The following TRAF7 variants were observed in gnomAD, a reference collection of about 807,000 sequenced individuals.
TRAF7 encodes E3 ubiquitin-protein ligase TRAF7.
TRAF7 carries 45 observed loss-of-function variants against 89.3 expected under a neutral mutation model. The observed-to-expected ratio is 0.50, with a 90% CI of 0.40 to 0.65. The LOEUF (loss-of-function observed/expected upper bound fraction) is 0.65. Ranked by LOEUF, TRAF7 falls within the 30% of genes least tolerant of loss-of-function variation. The pLI is 0.00. For synonymous variants in TRAF7, 406 were observed against 369.2 expected, an observed-to-expected ratio of 1.10 and a Z score of -1.14; for missense variants, 677 against 918.1, an observed-to-expected ratio of 0.74 and a Z score of 3.39.
At chr16:2,165,592 G>T (rs174029) in intron 2 of TRAF7, among the ~76,000 whole-genome samples, 2 of 130,890 alleles carry the variant, frequency 1.5e-5, no homozygotes, top group Non-Finnish European at 3.2e-5. Flanking sequence ...TGGTCGCATG[G>T]TTAAGCGTGT....
chr16:2,173,859 T>TACC, intron 12 of TRAF7, 23 bp downstream of exon 12: 1 of 1,246,256 alleles, frequency 8.0e-7, no homozygotes, highest in Non-Finnish European at 1.1e-6. Flanking sequence ...CCGCCGTGGC[T>TACC]CCCGCCCACC....
At chr16:2,174,354 G>C in intron 14 of TRAF7, 21 bp downstream of exon 14, 1 of 1,605,054 alleles carries the variant, frequency 6.2e-7, no homozygotes, top group South Asian at 1.1e-5. Context: ...GCACATGTGT[G>C]ATCAGTGATT....
Position 2,158,321 on chromosome 16 carries a change from C to T in TRAF7, c.-39+2463C>T, listed in dbSNP as rs2093044257. Among the ~76,000 whole-genome samples, 1 of 152,206 alleles carries T rather than the reference C, an allele frequency of 6.6e-6. No homozygotes were observed. The highest frequency in any genetic ancestry group is 1.5e-5 in the Non-Finnish European group (1 of 68,032). ...CCGCTGCTGTCCCCAGCCTTGCTCCCTGGAGGAGGAGGGTGCAGCCAGGTG... is the reference window on the plus strand; with the variant it reads ...CCGCTGCTGTCCCCAGCCTTGCTCCTTGGAGGAGGAGGGTGCAGCCAGGTG... On this transcript the variant is annotated intron_variant, in intron 1 of 20. Coordinates refer to ENST00000326181, the MANE Select transcript of TRAF7 (RefSeq NM_032271.3). This position sits in a 1 kb window ranked among gnomAD's most constrained non-coding sequence, Gnocchi z 4.7.
Position 2,164,127 on chromosome 16 carries a change from G to C in TRAF7, c.81+126G>C, listed in dbSNP as rs376741241. ...AGCTGGGGTCTCAGGGGAGCTCGGT[G>C]GGGGGGGGTGTGGTGTGTGTGTGTG... On this transcript the variant is annotated intron_variant, in intron 2 of 20. Coordinates refer to ENST00000326181, the MANE Select transcript of TRAF7 (RefSeq NM_032271.3). The C allele has an allele frequency of 6.7e-4, 414 of 613,682 alleles. 3 individuals carry two copies. In the East Asian group the frequency reaches 0.012, roughly 18 times the overall value. 38.0% of individuals were successfully genotyped at this position (613,682 alleles called of 1,614,324 possible).
In TRAF7 at chr16:2,163,530, A is replaced by C; in HGVS notation, c.-38-353A>C. 1 of 252,880 alleles carries C rather than the reference A, an allele frequency of 4.0e-6. No homozygotes were observed. Among genetic ancestry groups the C allele is most frequent in the South Asian group, 4.1e-5 (1 of 24,492 alleles). The allele number at this position is 252,880 out of a possible 1,614,324, so 15.7% of individuals were successfully genotyped here. On this transcript the variant is annotated intron_variant, in intron 1 of 20. Transcript: ENST00000326181. This position sits in a 1 kb window ranked among gnomAD's most constrained non-coding sequence, Gnocchi z 4.3. Reference sequence around the variant, plus strand: ...AAGGCCCAGCCTTGGCCCCAGGGACATTCAGCCTGGAGGTGACTGGCTGTG... The same window carrying C: ...AAGGCCCAGCCTTGGCCCCAGGGACCTTCAGCCTGGAGGTGACTGGCTGTG...
chr16:2,170,296 C>T (rs1173208962), intron 4 of TRAF7, among the ~76,000 whole-genome samples: 1 of 152,246 alleles, frequency 6.6e-6, no homozygotes, highest in Admixed American at 6.5e-5. Context: ...CCACATTCCC[C>T]CACGGGAAGC....
In TRAF7 at chr16:2,172,628, G is replaced by A. The variant is rs746863333; in HGVS notation, c.794+29G>A. The A allele has an allele frequency of 1.4e-5, 19 of 1,340,648 alleles. No homozygotes were observed. In the South Asian group the frequency reaches 1.8e-4, roughly 12 times the overall value. The allele number at this position is 1,340,648 out of a possible 1,614,324, so 83.0% of individuals were successfully genotyped here. A position where few individuals can be genotyped will look rare whatever the true frequency, so the allele number is the denominator to read the frequency against. The stretch of plus-strand genomic sequence containing the variant: ...AGTGGGGGGCGGGCGGGGGTGGGCC[G>A]GGGTGGGCGCAGGCCCTCCACAGGC... On this transcript the variant is annotated intron_variant, in intron 9 of 20. Transcript: ENST00000326181.
In TRAF7 at chr16:2,175,384, C is replaced by T. The variant is rs756602651; in HGVS notation, c.1470C>T (p.Asn490=). 1.2e-5 allele frequency: 19 copies of T among 1,613,536 alleles called. No homozygotes were observed. The Admixed American group carries it at 1.7e-4, about 14-fold the overall frequency. The change falls in exon 16 of 21, where the codon AAC becomes AAT. Residue 490 remains asparagine (N), a synonymous_variant. Transcript: ENST00000326181. ...TGTGCACGCTGGTCTCCTCACACAA[C>T]GTGCTCTTCAGCGGCTCCCTGAAGG... The part of the protein sequence containing the change: ...NPVCTLVSSH[N]VLFSGSLKAI...
Position 2,163,834 on chromosome 16 carries a change from G to A in TRAF7, c.-38-49G>A. Reference sequence around the variant, plus strand: ...CTTGCAGCAGCCCGTCTGACTCACAGGGGCCTGGGCTCCATCTCTCAAGCC... The same window carrying A: ...CTTGCAGCAGCCCGTCTGACTCACAAGGGCCTGGGCTCCATCTCTCAAGCC... On this transcript the variant is annotated intron_variant, in intron 1 of 20. Transcript: ENST00000326181. The surrounding 1 kb of genome is among the most constrained non-coding windows in gnomAD (Gnocchi z 4.3). 8.0e-7 allele frequency: 1 copy of A among 1,250,154 alleles called. No individual in the cohort carries two copies. The highest frequency in any genetic ancestry group is 1.1e-6 in the Non-Finnish European group (1 of 870,544). 77.4% of individuals were successfully genotyped at this position (1,250,154 alleles called of 1,614,324 possible).
Position 2,173,239 on chromosome 16 carries a change from C to T in TRAF7, c.852C>T (p.Phe284=), listed in dbSNP as rs570085095. The T allele has an allele frequency of 3.3e-5, 53 of 1,612,842 alleles. No individual in the cohort carries two copies. In the South Asian group the frequency reaches 4.0e-4, roughly 12 times the overall value. ...AGACCCACCTGGAGACTTGCCGCTTCGAGGGCCTGAAGGAGTTTCTGCAGC... is the reference window on the plus strand; with the variant it reads ...AGACCCACCTGGAGACTTGCCGCTTTGAGGGCCTGAAGGAGTTTCTGCAGC... The part of the protein sequence containing the change: ...TYETHLETCR[F]EGLKEFLQQT... Residue 284 remains phenylalanine (F), a synonymous_variant, in exon 10 of 21, where the codon TTC becomes TTT. Transcript: ENST00000326181.
At chr16:2,175,040 G>T in intron 14 of TRAF7, 71 bp from the exon 15 acceptor site, 1 of 1,599,490 alleles carries the variant, frequency 6.3e-7, no homozygotes, top group South Asian at 1.1e-5. Flanking sequence ...CATGGACCTC[G>T]GGCCCTGCCA....
intron 12 of TRAF7, 23 bp downstream of exon 12, chr16:2,173,859 T>TGCCCCC: frequency 1.6e-6 from 2 of 1,246,256 alleles, no homozygotes; most frequent in Non-Finnish European, 2.2e-6. Flanking sequence ...CCGCCGTGGC[T>TGCCCCC]CCCGCCCACC....
At position 2,168,183 on chromosome 16, in the gene TRAF7, C is replaced by G. The variant is rs1053584135; in HGVS notation, c.231+15C>G. 17 of 1,598,720 alleles carry G rather than the reference C, an allele frequency of 1.1e-5. No individual in the cohort carries two copies. Among genetic ancestry groups the G allele is most frequent in the Non-Finnish European group, 1.3e-5 (15 of 1,173,744 alleles). The stretch of plus-strand genomic sequence containing the variant: ...AGGACAGCATGGTAGGTCCCTACCC[C>G]CAGGAGCCCGTGTGAGCCTCAGCCT... On this transcript the variant is annotated intron_variant, in intron 4 of 20. Coordinates refer to ENST00000326181, the MANE Select transcript of TRAF7 (RefSeq NM_032271.3). The surrounding 1 kb of genome is among the most constrained non-coding windows in gnomAD (Gnocchi z 4.1).
chr16:2,170,668 C>A lies in TRAF7; in HGVS notation c.286C>A (p.His96Asn). 6.2e-7 allele frequency: 1 copy of A among 1,609,970 alleles called. No homozygotes were observed. ...CTCCGCCATCTCTGTCCGCTCCCTG[C>A]ACTCAGAGTCCAGCATGTCTCTGCG... is the stretch of plus-strand genomic sequence containing the variant. ...SDSAISVRSL[H>N]SESSMSLRST... Residue 96 changes from histidine (H) to asparagine (N), a missense_variant, in exon 5 of 21, where the codon CAC (histidine) becomes AAC (asparagine). This residue lies in a region of TRAF7 where 240 missense variants were observed against 191.9 expected (regional missense o/e 1.25). Transcript: ENST00000326181.
At chr16:2,165,468 G>T (rs551048631) in intron 2 of TRAF7, among the ~76,000 whole-genome samples, 1 of 131,116 alleles carries the variant, frequency 7.6e-6, no homozygotes. Flanking sequence ...CTGGTCGCAT[G>T]GTTAAGCGTG....
Position 2,177,022 on chromosome 16 carries a change from T to TG in TRAF7, c.*455dup, listed in dbSNP as rs918050912. ...GTGCACAGGCACTGGCTGCTGTGAG[T>TG]GGGGGGGCATGGGGCAGTTTCCTTT... On this transcript the variant is annotated 3_prime_UTR_variant, in exon 21 of 21. Transcript: ENST00000326181. The TG allele has an allele frequency of 4.0e-5, 13 of 325,732 alleles. No individual in the cohort carries two copies. The highest frequency in any genetic ancestry group is 2.4e-4 in the East Asian group (5 of 21,230). 20.2% of individuals were successfully genotyped at this position (325,732 alleles called of 1,614,324 possible).
chr16:2,170,322 T>C (rs560126139), intron 4 of TRAF7, among the ~76,000 whole-genome samples: 1 of 152,106 alleles, frequency 6.6e-6, no homozygotes, highest in South Asian at 2.1e-4. Flanking sequence ...GCAGCCCGGG[T>C]ATATGGAATT....
chr16:2,174,151 C>T, intron 13 of TRAF7, 100 bp from the exon 14 acceptor site: 4 of 1,596,132 alleles, frequency 2.5e-6, no homozygotes, highest in Non-Finnish European at 3.4e-6. Flanking sequence ...CTGGGCAGGG[C>T]CCTCTCCCAT....
chr16:2,163,821 C>G lies in TRAF7; in HGVS notation c.-38-62C>G. 1 of 1,106,180 alleles carries G rather than the reference C, an allele frequency of 9.0e-7. No homozygotes were observed. The highest frequency in any genetic ancestry group is 1.3e-6 in the Non-Finnish European group (1 of 743,624). The allele number at this position is 1,106,180 out of a possible 1,614,324, so 68.5% of individuals were successfully genotyped here. A position where few individuals can be genotyped will look rare whatever the true frequency, so the allele number is the denominator to read the frequency against. On this transcript the variant is annotated intron_variant, in intron 1 of 20. Transcript: ENST00000326181. The surrounding 1 kb of genome is among the most constrained non-coding windows in gnomAD (Gnocchi z 4.3). Reference sequence around the variant, plus strand: ...GCAGGTCTGCACACTTGCAGCAGCCCGTCTGACTCACAGGGGCCTGGGCTC... The same window carrying G: ...GCAGGTCTGCACACTTGCAGCAGCCGGTCTGACTCACAGGGGCCTGGGCTC...
Sources: gnomAD v4.1 joint callset for allele counts (sites outside exome capture counted in the v4.1 genomes callset) on GRCh38, gnomAD v4.1.1 for gene constraint, gnomAD v4.1.1 regional missense constraint, Gnocchi (gnomAD v3.1) non-coding constraint, MANE v1.5 for transcripts, NCBI Gene and HGNC (gene_info 2026-07-23, HGNC 2026-07-21) for gene names.